The following PRELID2 variants were observed in gnomAD, a reference collection of about 807,000 sequenced individuals.
PRELID2 encodes PRELI domain containing 2, also known as PRELI domain-containing protein 2.
PRELID2 carries 25 observed loss-of-function variants against 28.4 expected under a neutral mutation model. The observed-to-expected ratio is 0.88, with a 90% confidence interval of 0.64 to 1.23. The LOEUF is 1.23. PRELID2 is among the 50% of genes most tolerant of loss of function. The pLI is 0.00. For missense variants in PRELID2, 201 were observed against 214.4 expected (o/e 0.94, Z 0.39); for synonymous variants, 76 against 71.6 (o/e 1.06, Z -0.31).
At chr5:145,791,439 G>T (rs1752389189) in intron 5 of PRELID2, among the ~76,000 whole-genome samples, 1 of 152,172 alleles carries the variant, frequency 6.6e-6, no homozygotes, top group Non-Finnish European at 1.5e-5. Flanking sequence ...GATGAACACT[G>T]AAAACATATG....
chr5:145,490,781 T>C (rs1036077403), intron 1 of PRELID2, among the ~76,000 whole-genome samples: 9 of 152,116 alleles, frequency 5.9e-5, no homozygotes, highest in Non-Finnish European at 8.8e-5. Context: ...GAAAATTCAG[T>C]TTCTCTTGAA....
the PRELID2 span, among the ~76,000 whole-genome samples, chr5:145,337,156 A>G: frequency 2.9e-4 from 44 of 152,072 alleles, 1 homozygote; most frequent in Middle Eastern, 3.4e-3. Flanking sequence ...CACCTTAAGA[A>G]ACTAAAAAAG....
At position 145,775,145 on chromosome 5, in the gene PRELID2, T is replaced by C. The variant is rs545580756; in HGVS notation, c.475-10145A>G. On this transcript the variant is annotated intron_variant, in intron 5 of 6. Transcript: ENST00000683046. ...GCCCCAGCTAGTCAGGAGGCTGAGG[T>C]TGGAGAATCACTTGAACCTGGGAGG... 1.2e-3 allele frequency among the ~76,000 whole-genome samples: 177 copies of C among 151,950 alleles called. 1 individual carries two copies. The highest frequency in any genetic ancestry group is 4.0e-3 in the African/African-American group (165 of 41,452).
the PRELID2 span, among the ~76,000 whole-genome samples, chr5:145,358,050 C>T: frequency 5.9e-5 from 9 of 152,002 alleles, no homozygotes; most frequent in Admixed American, 5.3e-4. Context: ...GTCTCCATGC[C>T]TGCATTTCTT....
At chr5:145,289,942 TG>T in the PRELID2 span, among the ~76,000 whole-genome samples, 211 of 152,328 alleles carry the variant, frequency 1.4e-3, 1 homozygote, top group African/African-American at 4.7e-3. Flanking sequence ...ATTTTTTAAT[TG>T]GGTTGTTTGT....
At chr5:145,358,494 A>G in the PRELID2 span, among the ~76,000 whole-genome samples, 44,958 of 151,934 alleles carry the variant, frequency 0.3, 6,902 homozygotes, top group African/African-American at 0.38. Flanking sequence ...CACAGAAATG[A>G]GACTGCTGGG....
At chr5:145,286,187 C>G in the PRELID2 span, among the ~76,000 whole-genome samples, 1 of 152,130 alleles carries the variant, frequency 6.6e-6, no homozygotes, top group African/African-American at 2.4e-5. Flanking sequence ...TTAGCACTGT[C>G]TTAAGGTAGG....
the PRELID2 span, among the ~76,000 whole-genome samples, chr5:145,410,327 A>G: frequency 1.3e-5 from 2 of 152,370 alleles, no homozygotes; most frequent in East Asian, 3.9e-4. Flanking sequence ...TAATTAAACT[A>G]TAAAGCTTCT....
At chr5:145,707,478 T>G (rs1260102649) in intron 1 of PRELID2, among the ~76,000 whole-genome samples, 2 of 152,160 alleles carry the variant, frequency 1.3e-5, no homozygotes, top group South Asian at 2.1e-4. Flanking sequence ...CTTAAGTGTG[T>G]CCACCAGGAA....
At chr5:145,349,805 G>A in the PRELID2 span, among the ~76,000 whole-genome samples, 5 of 152,128 alleles carry the variant, frequency 3.3e-5, no homozygotes, top group African/African-American at 9.7e-5. Flanking sequence ...GGCCATTAAT[G>A]TACTACAGTA....
At chr5:145,453,615 A>C in the PRELID2 span, among the ~76,000 whole-genome samples, 2 of 152,032 alleles carry the variant, frequency 1.3e-5, no homozygotes, top group Non-Finnish European at 2.9e-5. Flanking sequence ...TCTCACCCCT[A>C]GACCCCCAAC....
intron 5 of PRELID2, among the ~76,000 whole-genome samples, chr5:145,783,667 A>G (rs1751789167): frequency 6.6e-6 from 1 of 152,218 alleles, no homozygotes; most frequent in Non-Finnish European, 1.5e-5. Flanking sequence ...TAGGGAAAAA[A>G]TATTTCATCA....
At chr5:145,589,805 T>C (rs1001148501) in intron 1 of PRELID2, among the ~76,000 whole-genome samples, 1 of 152,220 alleles carries the variant, frequency 6.6e-6, no homozygotes, top group African/African-American at 2.4e-5. Flanking sequence ...TGTTTCCTTC[T>C]AGTATTTTAT....
intron 1 of PRELID2, among the ~76,000 whole-genome samples, chr5:145,575,169 A>T (rs1051083681): frequency 2.0e-5 from 3 of 152,130 alleles, no homozygotes; most frequent in African/African-American, 7.2e-5. Flanking sequence ...TTCTTCTATA[A>T]TTCCAGAATC....
the PRELID2 span, among the ~76,000 whole-genome samples, chr5:145,294,753 A>T: frequency 5.3e-5 from 8 of 152,308 alleles, no homozygotes; most frequent in African/African-American, 1.7e-4. Context: ...TAGAACCATG[A>T]ATCCCTACAG....
chr5:145,284,457 T>C, the PRELID2 span, among the ~76,000 whole-genome samples: 3 of 152,174 alleles, frequency 2.0e-5, no homozygotes, highest in Non-Finnish European at 4.4e-5. Context: ...CAAGAAATGC[T>C]AAACAATATG....
chr5:145,748,056 T>C (rs1372451881), intron 1 of PRELID2, among the ~76,000 whole-genome samples: 3 of 152,214 alleles, frequency 2.0e-5, no homozygotes. Flanking sequence ...AATATCATAT[T>C]GAAGGGACAA....
Position 145,615,476 on chromosome 5 carries a change from G to A in PRELID2, n.71-142161C>T, listed in dbSNP as rs186726829. ...CGAGTAGCTGGGACTACAGGTGCCC[G>A]CCACCTCGCCCGGCTAATTTTTTGT... On this transcript the variant is annotated intron_variant and non_coding_transcript_variant, in intron 1 of 2. Transcript: ENST00000510259. 2.9e-4 allele frequency among the ~76,000 whole-genome samples: 42 copies of A among 143,340 alleles called. 1 individual carries two copies. In the East Asian group the frequency reaches 3.9e-3, roughly 13 times the overall value. 94.0% of individuals were successfully genotyped at this position (143,340 alleles called of 152,430 possible).
the PRELID2 span, among the ~76,000 whole-genome samples, chr5:145,430,877 TC>T: frequency 6.6e-6 from 1 of 152,080 alleles, no homozygotes; most frequent in Admixed American, 6.6e-5. Flanking sequence ...ATATAGCTGA[TC>T]TTGTTCATAC....
Sources: gnomAD v4.1 joint callset for allele counts (sites outside exome capture counted in the v4.1 genomes callset) on GRCh38, gnomAD v4.1.1 for gene constraint, MANE v1.5 for transcripts, NCBI Gene and HGNC (gene_info 2026-07-23, HGNC 2026-07-21) for gene names.